FAM149B1: variants seen among roughly 807,000 people sequenced by gnomAD.
FAM149B1 encodes family with sequence similarity 149 member B1.
In FAM149B1, 56 loss-of-function variants were observed where a neutral mutation model predicts 75.3. The ratio of observed to expected loss-of-function variants is 0.74; its 90% CI spans 0.60 to 0.93. The LOEUF is 0.93. FAM149B1 is among the 40% of genes least tolerant of loss of function. The probability of loss-of-function intolerance (pLI) is 0.00; values close to 1 mark genes in which losing one functional copy is unlikely to be tolerated. For missense variants in FAM149B1, 639 were observed against 708.4 expected (o/e 0.90, Z 1.11); for synonymous variants, 259 against 256.1 (o/e 1.01, Z -0.11).
chr10:73,200,572 G>C (rs2042911340), intron 5 of FAM149B1: 4 of 745,054 alleles, frequency 5.4e-6, no homozygotes, highest in Admixed American at 2.1e-5. Flanking sequence ...CAGATGAAAT[G>C]TTCAGCCAAG....
At chr10:73,202,493 C>T (rs928603641) in intron 5 of FAM149B1, among the ~76,000 whole-genome samples, 4 of 151,324 alleles carry the variant, frequency 2.6e-5, no homozygotes, top group South Asian at 2.1e-4. Context: ...AGTGCAATGG[C>T]GTGATCTCTG....
At chr10:73,187,443 CAT>C (rs1420388951) in intron 3 of FAM149B1, among the ~76,000 whole-genome samples, 5 of 143,176 alleles carry the variant, frequency 3.5e-5, no homozygotes, top group Admixed American at 7.0e-5. Flanking sequence ...AATTAGAGGA[CAT>C]ATGGCCAGGC....
chr10:73,180,132 A>G (rs2042362109), intron 3 of FAM149B1, among the ~76,000 whole-genome samples: 1 of 152,198 alleles, frequency 6.6e-6, no homozygotes, highest in Non-Finnish European at 1.5e-5. Flanking sequence ...GAAATAGAAC[A>G]TTATCAGGGG....
chr10:73,221,368 T>G (rs58633633), intron 7 of FAM149B1, among the ~76,000 whole-genome samples: 15,894 of 152,136 alleles, frequency 0.1, 1,179 homozygotes, highest in East Asian at 0.3. Flanking sequence ...ATTAACTGTT[T>G]CTTTTGTAGA....
At chr10:73,178,283 G>T (rs1157799261) in intron 3 of FAM149B1, among the ~76,000 whole-genome samples, 1 of 152,138 alleles carries the variant, frequency 6.6e-6, no homozygotes, top group Non-Finnish European at 1.5e-5. Context: ...CCTGAGGTTG[G>T]GAGTTCTAGA....
At position 73,201,079 on chromosome 10, in the gene FAM149B1, C is replaced by A. The variant is rs558094008; in HGVS notation, c.542+7486C>A. On this transcript the variant is annotated intron_variant, in intron 5 of 13. Coordinates refer to ENST00000242505, the MANE Select transcript of FAM149B1 (RefSeq NM_173348.2). ...ACCTAGCAGTCATGAAAACTGTATT[C>A]GCAGAATTGGCAGAGGGGTCAATTT... is the stretch of plus-strand genomic sequence containing the variant. The A allele has an allele frequency of 7.1e-4, 197 of 275,822 alleles. 1 individual carries two copies. Among genetic ancestry groups the A allele is most frequent in the Non-Finnish European group, 1.5e-4 (20 of 135,274 alleles). 17.1% of individuals were successfully genotyped at this position (275,822 alleles called of 1,614,324 possible). A position where few individuals can be genotyped will look rare whatever the true frequency, so the allele number is the denominator to read the frequency against.
chr10:73,210,578 C>T, intron 7 of FAM149B1, 140 bp downstream of exon 7: 2 of 546,388 alleles, frequency 3.7e-6, no homozygotes, highest in South Asian at 6.4e-5. Context: ...AATCCAAACA[C>T]TTTGGGAGGC....
intron 7 of FAM149B1, among the ~76,000 whole-genome samples, chr10:73,226,259 C>A (rs2043544858): frequency 6.6e-6 from 1 of 152,130 alleles, no homozygotes; most frequent in East Asian, 1.9e-4. Context: ...ATAATCCCAG[C>A]ATTTTGGAAG....
intron 3 of FAM149B1, among the ~76,000 whole-genome samples, chr10:73,181,524 A>G (rs1302320842): frequency 6.6e-6 from 1 of 152,188 alleles, no homozygotes; most frequent in African/African-American, 2.4e-5. Context: ...TTCAGGGGGA[A>G]CTTGTGTAAT....
chr10:73,234,662 A>T (rs2043781873), intron 10 of FAM149B1, 155 bp from the exon 11 acceptor site: 1 of 822,062 alleles, frequency 1.2e-6, no homozygotes, highest in African/African-American at 1.7e-5. Context: ...TAATTTTCCA[A>T]AAATCCTGAG....
At chr10:73,208,866 A>G (rs1252667128) in intron 6 of FAM149B1, 80 bp downstream of exon 6, 3 of 848,672 alleles carry the variant, frequency 3.5e-6, no homozygotes, top group Non-Finnish European at 4.9e-6. Flanking sequence ...TGATGCTACC[A>G]ATGTATATTA....
Position 73,215,171 on chromosome 10 carries a change from C to A in FAM149B1, c.898+4733C>A, listed in dbSNP as rs143789585. ...AAGTAGCTGGGATTATGGGTGCACA[C>A]CACCATAACCAGCGTATTTTTGTAT... On this transcript the variant is annotated intron_variant, in intron 7 of 13. Coordinates refer to ENST00000242505, the MANE Select transcript of FAM149B1 (RefSeq NM_173348.2). Among the ~76,000 whole-genome samples the A allele has an allele frequency of 4.9e-3, 747 of 152,206 alleles. 2 individuals are homozygous for A. Among genetic ancestry groups the A allele is most frequent in the African/African-American group, 0.015 (607 of 41,508 alleles).
chr10:73,176,142 A>G (rs1255317354), intron 2 of FAM149B1, among the ~76,000 whole-genome samples: 3 of 152,008 alleles, frequency 2.0e-5, no homozygotes, highest in Non-Finnish European at 4.4e-5. Flanking sequence ...GGAGACAGTG[A>G]CAGATGATCA....
chr10:73,184,657 T>C (rs1038532310), intron 3 of FAM149B1, among the ~76,000 whole-genome samples: 2 of 152,114 alleles, frequency 1.3e-5, no homozygotes, highest in African/African-American at 4.8e-5. Context: ...CAATTAAACA[T>C]CACTCTTCTA....
intron 7 of FAM149B1, among the ~76,000 whole-genome samples, chr10:73,218,750 G>T (rs1210689558): frequency 6.6e-6 from 1 of 151,832 alleles, no homozygotes; most frequent in African/African-American, 2.4e-5. Flanking sequence ...TTTTTCTCTA[G>T]ATCACTCTGT....
At position 73,230,474 on chromosome 10, in the gene FAM149B1, T is replaced by C; in HGVS notation, c.1076T>C (p.Val359Ala). The change falls in exon 9 of 14, where the codon GTT becomes GCT. Residue 359 changes from valine (V) to alanine (A), a missense_variant. By Grantham distance (64) the Val-to-Ala change is moderately conservative (BLOSUM62 0). Transcript: ENST00000242505. ...CAGCCAAATGTGAATGATCTCTTGG[T>C]TCATGGAATGCCTCTACAGCCAAGA... ...RHQPNVNDLL[V>A]HGMPLQPRNL... is the part of the protein sequence containing the mutation. The C allele has an allele frequency of 6.5e-7, 1 of 1,550,308 alleles. No homozygotes were observed. The highest frequency in any genetic ancestry group is 8.7e-7 in the Non-Finnish European group (1 of 1,145,574).
At chr10:73,184,733 A>C (rs751916350) in intron 3 of FAM149B1, among the ~76,000 whole-genome samples, 10 of 152,214 alleles carry the variant, frequency 6.6e-5, no homozygotes, top group Non-Finnish European at 1.2e-4. Flanking sequence ...CTGAAAGAAA[A>C]GGGAAAAGCA....
chr10:73,195,436 T>G (rs2042780929), intron 5 of FAM149B1, among the ~76,000 whole-genome samples: 1 of 152,192 alleles, frequency 6.6e-6, no homozygotes, highest in Admixed American at 6.5e-5. Context: ...TATAAAAAAT[T>G]TTACAACCTA....
At chr10:73,215,090 G>A (rs1296433565) in intron 7 of FAM149B1, among the ~76,000 whole-genome samples, 1 of 152,102 alleles carries the variant, frequency 6.6e-6, no homozygotes, top group Non-Finnish European at 1.5e-5. Flanking sequence ...TCGGCTCACT[G>A]CAGCCTCTGC....
Sources: gnomAD v4.1 joint callset for allele counts (sites outside exome capture counted in the v4.1 genomes callset) on GRCh38, gnomAD v4.1.1 for gene constraint, MANE v1.5 for transcripts, NCBI Gene and HGNC (gene_info 2026-07-23, HGNC 2026-07-21) for gene names.